GNE: variants seen among roughly 807,000 people sequenced by gnomAD.
GNE encodes glucosamine (UDP-N-acetyl)-2-epimerase/N-acetylmannosamine kinase, also known as bifunctional UDP-N-acetylglucosamine 2-epimerase/N-acetylmannosamine kinase.
In GNE, 41 loss-of-function variants were observed where a neutral mutation model predicts 61.8. That is an observed-to-expected ratio of 0.66 (90% CI 0.52 to 0.86). The LOEUF (loss-of-function observed/expected upper bound fraction) is 0.86. Among genes scored for constraint, GNE ranks in the 40% least tolerant of loss-of-function variants. The pLI is 0.00. For missense variants in GNE, 608 were observed against 909.1 expected, an observed-to-expected ratio of 0.67 and a Z score of 4.26; for synonymous variants, 264 against 326.4, an observed-to-expected ratio of 0.81 and a Z score of 2.06.
intron 1 of GNE, among the ~76,000 whole-genome samples, chr9:36,268,554 G>A (rs1247988606): frequency 6.6e-6 from 1 of 151,992 alleles, no homozygotes; most frequent in Non-Finnish European, 1.5e-5. Flanking sequence ...GGAGTAACTA[G>A]CTACTCGGGA....
intron 1 of GNE, among the ~76,000 whole-genome samples, chr9:36,270,429 T>C (rs1830978381): frequency 6.6e-6 from 1 of 151,928 alleles, no homozygotes; most frequent in Admixed American, 6.6e-5. Flanking sequence ...AAATCGGGCA[T>C]CAAAGCCCAC....
chr9:36,272,902 C>T (rs1298057267), intron 1 of GNE, among the ~76,000 whole-genome samples: 2 of 115,818 alleles, frequency 1.7e-5, no homozygotes, highest in South Asian at 3.2e-4. Context: ...GGTGAAACCT[C>T]ATCTAGTAAA....
Position 36,249,404 on chromosome 9 carries a change from T to C in GNE, c.-42-7A>G, listed in dbSNP as rs1420727818. ...GGTTCTTAAAATAGAGTTCCTGAAATTGCCAAAATAAAAACTTTATAATCA... is the reference window on the plus strand; with the variant it reads ...GGTTCTTAAAATAGAGTTCCTGAAACTGCCAAAATAAAAACTTTATAATCA... On this transcript the variant is annotated splice_region_variant and splice_polypyrimidine_tract_variant and intron_variant, in intron 1 of 11. Transcript: ENST00000642385. The C allele has an allele frequency of 1.0e-5, 16 of 1,590,590 alleles. No individual in the cohort carries two copies. Among genetic ancestry groups the C allele is most frequent in the Non-Finnish European group, 1.4e-5 (16 of 1,162,200 alleles).
chr9:36,270,696 T>C (rs1231702001), intron 1 of GNE, among the ~76,000 whole-genome samples: 1 of 152,066 alleles, frequency 6.6e-6, no homozygotes, highest in Non-Finnish European at 1.5e-5. Context: ...GTTTTGTATT[T>C]TTAGTAGAGA....
At chr9:36,263,544 C>T (rs995535684) in intron 1 of GNE, 1 of 152,968 alleles carries the variant, frequency 6.5e-6, no homozygotes, top group Non-Finnish European at 1.5e-5. Flanking sequence ...CCACATCTCT[C>T]TGAATGGCTC....
In GNE at chr9:36,219,980, G is replaced by T; in HGVS notation, c.1674C>A (p.His558Gln). The change falls in exon 10 of 12, where the codon CAC (histidine) becomes CAA (glutamine). Residue 558 changes from histidine (H) to glutamine (Q), a missense_variant. Coordinates refer to ENST00000642385, the MANE Select transcript of GNE (RefSeq NM_005476.7). ...GTTCTGCAGCACAGAAGGAGCTTCC[G>T]TGGATCAATTCATGCTGATGGATAA... is the stretch of plus-strand genomic sequence containing the variant. ...GGIIHQHELI[H>Q]GSSFCAAELG... 6.2e-7 allele frequency: 1 copy of T among 1,614,094 alleles called. No individual in the cohort carries two copies. Among genetic ancestry groups the T allele is most frequent in the Non-Finnish European group, 8.5e-7 (1 of 1,179,974 alleles).
intron 7 of GNE, among the ~76,000 whole-genome samples, chr9:36,225,338 T>A (rs1053329528): frequency 6.6e-6 from 1 of 152,128 alleles, no homozygotes; most frequent in African/African-American, 2.4e-5. Context: ...AGGATTGTCA[T>A]TAAAAATAAA....
intron 1 of GNE, among the ~76,000 whole-genome samples, chr9:36,257,270 A>G (rs1413288089): frequency 6.6e-6 from 1 of 152,208 alleles, no homozygotes; most frequent in Non-Finnish European, 1.5e-5. Context: ...CGAAAACATG[A>G]TAAATCGCCC....
intron 3 of GNE, among the ~76,000 whole-genome samples, chr9:36,238,907 A>G (rs929466041): frequency 6.6e-5 from 10 of 152,186 alleles, no homozygotes; most frequent in Non-Finnish European, 1.0e-4. Flanking sequence ...TGATTTTTGT[A>G]TAAGGTGAGA....
rs368113703 is a variant in GNE, at chr9:36,256,126, C to T, written c.-43+2195G>A. On this transcript the variant is annotated intron_variant, in intron 1 of 11. Transcript: ENST00000642385. ...ATTTTTAGTAGAGGTGGGGTTTCACCATGTTGGCCAGGCTGGTCTCGATCT... is the reference window on the plus strand; with the variant it reads ...ATTTTTAGTAGAGGTGGGGTTTCACTATGTTGGCCAGGCTGGTCTCGATCT... Among the ~76,000 whole-genome samples the T allele has an allele frequency of 1.2e-4, 19 of 152,096 alleles. No individual in the cohort carries two copies. The East Asian group carries it at 2.3e-3, about 19-fold the overall frequency.
Position 36,217,385 on chromosome 9 carries a change from T to G in GNE, c.2149A>C (p.Thr717Pro), listed in dbSNP as rs753683385. ...GAGGTCTAGTAGATCCTGCGTGTTG[T>G]GTAGTCCAGAACCATGCTGGCAGCA... ...LGAASMVLDY[T>P]TRRIY The change falls in exon 12 of 12, where the codon ACA (threonine) becomes CCA (proline). Residue 717 changes from threonine to proline, a missense_variant. Thr to Pro is a conservative substitution (Grantham distance 38, BLOSUM62 -1). Transcript: ENST00000642385. 1 of 1,613,198 alleles carries G rather than the reference T, an allele frequency of 6.2e-7. No individual in the cohort carries two copies. The highest frequency in any genetic ancestry group is 8.5e-7 in the Non-Finnish European group (1 of 1,179,140).
chr9:36,257,504 C>G (rs1027668111), intron 1 of GNE, among the ~76,000 whole-genome samples: 1 of 151,688 alleles, frequency 6.6e-6, no homozygotes, highest in South Asian at 2.1e-4. Context: ...ATTTTACAAG[C>G]GTAAAACTGG....
upstream of GNE, among the ~76,000 whole-genome samples, chr9:36,261,319 GA>G (rs1830609454): frequency 6.6e-6 from 1 of 152,162 alleles, no homozygotes. Flanking sequence ...AGCACTTTGG[GA>G]GGCTGAGGTG....
chr9:36,276,029 C>T (rs1367512979), intron 1 of GNE, among the ~76,000 whole-genome samples: 2 of 151,950 alleles, frequency 1.3e-5, no homozygotes, highest in Non-Finnish European at 2.9e-5. Context: ...AAAAGTTTGC[C>T]GGGTATGGTA....
rs111302956 is a variant in GNE at position 36,219,884 on chromosome 9, G to A, written c.1770C>T (p.Tyr590=). 0.02 allele frequency: 31,911 copies of A among 1,614,008 alleles called. 411 individuals carry two copies. Among genetic ancestry groups the A allele is most frequent in the Non-Finnish European group, 0.022 (25,547 of 1,179,924 alleles). Residue 590 remains tyrosine (Y), a synonymous_variant, in exon 10 of 12, where the codon TAC becomes TAT. Coordinates refer to ENST00000642385, the MANE Select transcript of GNE (RefSeq NM_005476.7). The part of the protein sequence containing the change: ...SCGSHGCIEA[Y]ASGMALQREA... ...CCCTCTGCAAGGCCATTCCAGAGGC[G>A]TATGCTTCAATGCACCCATGGCTTC...
chr9:36,254,760 TGGCTAACATG>T (rs1830260486), intron 1 of GNE, among the ~76,000 whole-genome samples: 1 of 152,136 alleles, frequency 6.6e-6, no homozygotes, highest in Non-Finnish European at 1.5e-5. Context: ...AAGACCTGCC[TGGCTAACATG>T]GCAAAACCCC....
intron 1 of GNE, among the ~76,000 whole-genome samples, 196 bp from the exon 2 acceptor site, chr9:36,249,593 C>T (rs1484767357): frequency 6.6e-6 from 1 of 151,928 alleles, no homozygotes; most frequent in African/African-American, 2.4e-5. Context: ...TTAAGAAACT[C>T]CAAGGCTGGG....
chr9:36,233,135 C>T (rs572942709), intron 5 of GNE, among the ~76,000 whole-genome samples: 1 of 152,162 alleles, frequency 6.6e-6, no homozygotes, highest in Non-Finnish European at 1.5e-5. Flanking sequence ...AATTCCACTG[C>T]ATGTAAACAG....
At chr9:36,264,756 A>G (rs1053775910) in intron 1 of GNE, among the ~76,000 whole-genome samples, 1 of 152,168 alleles carries the variant, frequency 6.6e-6, no homozygotes, top group Admixed American at 6.5e-5. Flanking sequence ...TAGTAAAGAG[A>G]GCTCACTAAA....
Sources: gnomAD v4.1 joint callset for allele counts (sites outside exome capture counted in the v4.1 genomes callset) on GRCh38, gnomAD v4.1.1 for gene constraint, MANE v1.5 for transcripts, NCBI Gene and HGNC (gene_info 2026-07-23, HGNC 2026-07-21) for gene names.